Variants in RSPO4 observed in about 807,000 individuals in gnomAD.
RSPO4 encodes R-spondin-4.
In RSPO4, 23 loss-of-function variants were observed where a neutral mutation model predicts 24.8. That is an observed-to-expected ratio of 0.93 (90% CI 0.67 to 1.31). The LOEUF (loss-of-function observed/expected upper bound fraction) is 1.31, where lower values mean the gene tolerates loss of function less well. RSPO4 is among the 40% of genes most tolerant of loss of function. The pLI is 0.00. For synonymous variants in RSPO4, 141 were observed against 127.4 expected (o/e 1.11, Z -0.72); for missense variants, 333 against 316.5 (o/e 1.05, Z -0.39).
At chr20:963,636 A>T (rs913490025) in intron 4 of RSPO4, among the ~76,000 whole-genome samples, 1 of 152,190 alleles carries the variant, frequency 6.6e-6, no homozygotes, top group African/African-American at 2.4e-5. Context: ...GAACTTCATT[A>T]AGAATGATAA....
intron 1 of RSPO4, among the ~76,000 whole-genome samples, chr20:973,665 G>A (rs1984478908): frequency 1.3e-5 from 2 of 152,054 alleles, no homozygotes; most frequent in South Asian, 4.2e-4. Flanking sequence ...TAGTAGAGAC[G>A]GGGTTTCGCC....
chr20:964,723 C>CAT (rs1247528637), intron 3 of RSPO4, among the ~76,000 whole-genome samples: 9 of 148,248 alleles, frequency 6.1e-5, no homozygotes, highest in Admixed American at 2.0e-4. Context: ...TATATATACA[C>CAT]ATATATATAC....
chr20:1,000,026 A>G (rs11904865), intron 1 of RSPO4, among the ~76,000 whole-genome samples: 4,082 of 151,918 alleles, frequency 0.027, 233 homozygotes, highest in East Asian at 0.23. Flanking sequence ...CCGCCACCAC[A>G]CCCAGCTAAT....
chr20:1,002,204 C>CAGTGAGTCAAG lies in RSPO4; in HGVS notation c.-41_-40insCTTGACTCACT. 6.8e-7 allele frequency: 1 copy of CAGTGAGTCAAG among 1,477,568 alleles called. No homozygotes were observed. The highest frequency in any genetic ancestry group is 9.0e-7 in the Non-Finnish European group (1 of 1,109,178). The allele number at this position is 1,477,568 out of a possible 1,614,324, so 91.5% of individuals were successfully genotyped here. ...CCGGGCTGGCGCTCCCCAGGCGGCC[C>CAGTGAGTCAAG]GACGGCCCAAGGGCCCCACGTCCCG... is the stretch of plus-strand genomic sequence containing the variant. On this transcript the variant is annotated 5_prime_UTR_variant, in exon 1 of 5. An upstream open reading frame in the 5' UTR gains an earlier in-frame stop. Transcript: ENST00000217260. This position sits in a 1 kb window ranked among gnomAD's most constrained non-coding sequence, Gnocchi z 4.6.
At chr20:992,263 C>CTTTTT (rs35286852) in intron 1 of RSPO4, among the ~76,000 whole-genome samples, 14 of 123,472 alleles carry the variant, frequency 1.1e-4, no homozygotes, top group African/African-American at 3.0e-4. Context: ...GGTCCACTTT[C>CTTTTT]TTTTTTTTTT....
Position 963,108 on chromosome 20 carries a change from C to T in RSPO4, c.595+827G>A, listed in dbSNP as rs544035508. On this transcript the variant is annotated intron_variant, in intron 4 of 4. Transcript: ENST00000217260. Reference sequence around the variant, plus strand: ...AGCCCCCAGAAACATTTTGGAAATACGTGTAGTGGTCTTGAATGGCACAGT... The same window carrying T: ...AGCCCCCAGAAACATTTTGGAAATATGTGTAGTGGTCTTGAATGGCACAGT... Among the ~76,000 whole-genome samples, 7 of 152,256 alleles carry T rather than the reference C, an allele frequency of 4.6e-5. 1 individual carries two copies. The highest frequency in any genetic ancestry group is 2.4e-5 in the African/African-American group (1 of 41,540).
At chr20:969,614 G>A (rs1351162957) in intron 1 of RSPO4, among the ~76,000 whole-genome samples, 5 of 152,152 alleles carry the variant, frequency 3.3e-5, no homozygotes, top group Admixed American at 2.6e-4. Context: ...TTCCCGGCAC[G>A]TGTGAGGGAG....
chr20:1,002,253 GC>G lies in RSPO4; in HGVS notation c.-90del. On this transcript the variant is annotated 5_prime_UTR_variant, in exon 1 of 5. Transcript: ENST00000217260. The surrounding 1 kb of genome is among the most constrained non-coding windows in gnomAD (Gnocchi z 4.6). ...CGGCGGCGGCACGGCGGGCGCGGGG[GC>G]TGCTGTGGGCGCGCCGGGCGCATCC... 1 of 768,022 alleles carries G rather than the reference GC, an allele frequency of 1.3e-6. No homozygotes were observed. The highest frequency in any genetic ancestry group is 1.7e-6 in the Non-Finnish European group (1 of 590,916). The allele number at this position is 768,022 out of a possible 1,614,324, so 47.6% of individuals were successfully genotyped here. A position where few individuals can be genotyped will look rare whatever the true frequency, so the allele number is the denominator to read the frequency against.
chr20:962,175 C>T (rs979303500), intron 4 of RSPO4, among the ~76,000 whole-genome samples: 4 of 152,140 alleles, frequency 2.6e-5, no homozygotes, highest in African/African-American at 4.8e-5. Context: ...GGAAAACAGA[C>T]GCTGAACAAG....
chr20:991,329 C>T (rs1416279132), intron 1 of RSPO4, among the ~76,000 whole-genome samples: 2 of 152,006 alleles, frequency 1.3e-5, no homozygotes, highest in East Asian at 3.9e-4. Context: ...GCCCCCTCTC[C>T]CCACTCAAAA....
At chr20:976,755 A>T (rs1341033152) in intron 1 of RSPO4, among the ~76,000 whole-genome samples, 2 of 152,158 alleles carry the variant, frequency 1.3e-5, no homozygotes, top group African/African-American at 2.4e-5. Flanking sequence ...TGAATCTGTC[A>T]TTGAAATTTC....
In RSPO4 at chr20:964,045, C is replaced by A; in HGVS notation, c.485G>T (p.Gly162Val). 6.2e-7 allele frequency: 1 copy of A among 1,613,736 alleles called. No individual in the cohort carries two copies. Among genetic ancestry groups the A allele is most frequent in the Non-Finnish European group, 8.5e-7 (1 of 1,180,026 alleles). The change falls in exon 4 of 5, where the codon GGC becomes GTC. Residue 162 changes from glycine (G) to valine (V), a missense_variant. By Grantham distance (109) the Gly-to-Val change is moderately radical (BLOSUM62 -3). Transcript: ENST00000217260. ...AGCCTCTCGTACCCGGCTCTCCAGG[C>A]CCCAAGCCGAGCCGCAGGTCTTTCC... ...HNGKTCGSAW[G>V]LESRVREAGR...
At chr20:987,081 G>T (rs1984945309) in intron 1 of RSPO4, among the ~76,000 whole-genome samples, 1 of 152,140 alleles carries the variant, frequency 6.6e-6, no homozygotes, top group South Asian at 2.1e-4. Context: ...TTGAGAGAGG[G>T]GTAGGCACTT....
In RSPO4 at chr20:978,767, G is replaced by T. The variant is rs555663466; in HGVS notation, c.80-10629C>A. Among the ~76,000 whole-genome samples the T allele has an allele frequency of 3.3e-5, 5 of 152,218 alleles. No homozygotes were observed. In the East Asian group the frequency reaches 9.7e-4, roughly 29 times the overall value. On this transcript the variant is annotated intron_variant, in intron 1 of 4. Transcript: ENST00000217260. ...ATGTGGGGACAGAAGCTGAGGCCAG[G>T]AGCAGGACTAGTTTGTGTAGATGGA... is the stretch of plus-strand genomic sequence containing the variant.
chr20:1,000,803 G>A (rs912342610), intron 1 of RSPO4, among the ~76,000 whole-genome samples: 9 of 152,034 alleles, frequency 5.9e-5, no homozygotes, highest in African/African-American at 2.2e-4. Context: ...AAAACCACAC[G>A]CCTCTCTAGT....
chr20:981,827 C>T lies in RSPO4; in HGVS notation c.80-13689G>A, dbSNP rs78339020. On this transcript the variant is annotated intron_variant, in intron 1 of 4. Transcript: ENST00000217260. The surrounding 1 kb of genome is among the most constrained non-coding windows in gnomAD (Gnocchi z 4.6). Reference sequence around the variant, plus strand: ...TGCCCTATGCTGGTCCTGCAGGGCTCGGCTGGGGCCCAAATCAGGGGTTGA... The same window carrying T: ...TGCCCTATGCTGGTCCTGCAGGGCTTGGCTGGGGCCCAAATCAGGGGTTGA... Among the ~76,000 whole-genome samples the T allele has an allele frequency of 0.029, 4,379 of 152,280 alleles. 247 individuals carry two copies. Among genetic ancestry groups the T allele is most frequent in the African/African-American group, 0.1 (4,147 of 41,534 alleles).
intron 4 of RSPO4, 35 bp downstream of exon 4, chr20:963,900 C>T (rs747330000): frequency 1.9e-6 from 3 of 1,608,430 alleles, no homozygotes; most frequent in African/African-American, 2.7e-5. Context: ...TGGGCCTTTC[C>T]CACCGCAGCC....
intron 4 of RSPO4, among the ~76,000 whole-genome samples, chr20:962,163 A>T (rs1410620972): frequency 6.6e-6 from 1 of 152,204 alleles, no homozygotes; most frequent in Non-Finnish European, 1.5e-5. Flanking sequence ...ACACTCCAGT[A>T]AGGAAAACAG....
intron 1 of RSPO4, among the ~76,000 whole-genome samples, chr20:1,001,337 C>G (rs552205850): frequency 6.6e-6 from 1 of 152,358 alleles, no homozygotes; most frequent in South Asian, 2.1e-4. Context: ...TCTGCAGGGA[C>G]AGCCTCCAAC....
Sources: gnomAD v4.1 joint callset for allele counts (sites outside exome capture counted in the v4.1 genomes callset) on GRCh38, gnomAD v4.1.1 for gene constraint, Gnocchi (gnomAD v3.1) non-coding constraint, MANE v1.5 for transcripts, NCBI Gene and HGNC (gene_info 2026-07-23, HGNC 2026-07-21) for gene names.